TTC28: variants seen among roughly 807,000 people sequenced by gnomAD.
The protein encoded by TTC28 is tetratricopeptide repeat domain 28.
TTC28 carries 61 observed loss-of-function variants against 198.0 expected under a neutral mutation model. The ratio of observed to expected loss-of-function variants is 0.31; its 90% CI spans 0.25 to 0.38. TTC28 has a LOEUF of 0.38. TTC28 is among the 10% of genes least tolerant of loss of function. The pLI, the probability that TTC28 is intolerant of heterozygous loss-of-function variation, is 1.00. For synonymous variants in TTC28, 1,171 were observed against 1,297.8 expected, an observed-to-expected ratio of 0.90 and a Z score of 2.10; for missense variants, 2,678 against 3,164.0, an observed-to-expected ratio of 0.85 and a Z score of 3.69.
intron 2 of TTC28, among the ~76,000 whole-genome samples, chr22:28,498,128 G>A (rs2048481534): frequency 1.3e-5 from 2 of 150,768 alleles, no homozygotes; most frequent in Non-Finnish European, 3.0e-5. Context: ...ACATTGACCT[G>A]AGCCTTCCGT....
chr22:28,563,593 C>T lies in TTC28; in HGVS notation c.381+65959G>A, dbSNP rs567387753. 9.2e-5 allele frequency among the ~76,000 whole-genome samples: 14 copies of T among 152,088 alleles called. No individual in the cohort carries two copies. The South Asian group carries it at 2.9e-3, about 32-fold the overall frequency. ...TGCATCAATCAATGCAAATCAAAAC[C>T]ACAATAAGGTACCACCTTACACCTA... On this transcript the variant is annotated intron_variant, in intron 2 of 22. Coordinates refer to ENST00000397906, the MANE Select transcript of TTC28 (RefSeq NM_001145418.2).
At chr22:28,050,066 A>G (rs9613564) in intron 12 of TTC28, among the ~76,000 whole-genome samples, 7,780 of 152,198 alleles carry the variant, frequency 0.051, 307 homozygotes, top group Admixed American at 0.12. Context: ...TGGGACAGCT[A>G]TAAGGGTACA....
intron 5 of TTC28, among the ~76,000 whole-genome samples, chr22:28,197,843 T>C (rs562159833): frequency 2.0e-5 from 3 of 152,050 alleles, no homozygotes; most frequent in Non-Finnish European, 4.4e-5. Context: ...AGCAAGACCC[T>C]GTCTTTATTT....
rs551041561 is a variant in TTC28 at position 28,001,674 on chromosome 22, G to T, written c.4219-121C>A. ...GCACGAGCAGGTGAGGCCTGTGGGG[G>T]TGTGGGGCGCCATGGGGCATGGGCC... On this transcript the variant is annotated intron_variant, in intron 14 of 22. Transcript: ENST00000397906. The T allele has an allele frequency of 5.8e-6, 7 of 1,212,176 alleles. No homozygotes were observed. In the South Asian group the frequency reaches 9.1e-5, roughly 16 times the overall value. The allele number at this position is 1,212,176 out of a possible 1,614,324, so 75.1% of individuals were successfully genotyped here. A position where few individuals can be genotyped will look rare whatever the true frequency, so the allele number is the denominator to read the frequency against.
intron 2 of TTC28, among the ~76,000 whole-genome samples, chr22:28,410,353 A>G (rs1224055640): frequency 1.3e-5 from 2 of 152,210 alleles, no homozygotes; most frequent in Non-Finnish European, 2.9e-5. Flanking sequence ...GTCATTCCTC[A>G]TTTTAAATAA....
intron 2 of TTC28, among the ~76,000 whole-genome samples, chr22:28,324,363 G>T (rs1438773957): frequency 6.6e-6 from 1 of 151,870 alleles, no homozygotes; most frequent in Non-Finnish European, 1.5e-5. Flanking sequence ...CAGAAAAAGA[G>T]GGACTCCTCC....
intron 2 of TTC28, among the ~76,000 whole-genome samples, chr22:28,328,888 G>A (rs1462893969): frequency 6.6e-6 from 1 of 151,750 alleles, no homozygotes; most frequent in Non-Finnish European, 1.5e-5. Context: ...ACAAAGGCCT[G>A]AGACTGGGAA....
intron 1 of TTC28, among the ~76,000 whole-genome samples, chr22:28,674,184 T>G (rs1434829217): frequency 6.6e-6 from 1 of 151,838 alleles, no homozygotes; most frequent in East Asian, 1.9e-4. Context: ...CCTCAAGCGC[T>G]CACAGGGATT....
intron 2 of TTC28, among the ~76,000 whole-genome samples, chr22:28,525,358 C>A (rs755516738): frequency 6.6e-6 from 1 of 152,100 alleles, no homozygotes; most frequent in Non-Finnish European, 1.5e-5. Flanking sequence ...TTCACCATGT[C>A]GCCCAGGCTA....
chr22:28,525,698 C>A (rs898780956), intron 2 of TTC28, among the ~76,000 whole-genome samples: 1 of 152,002 alleles, frequency 6.6e-6, no homozygotes, highest in African/African-American at 2.4e-5. Context: ...TGTGCAGGTG[C>A]CACAAATATA....
intron 5 of TTC28, among the ~76,000 whole-genome samples, chr22:28,262,318 C>A (rs983989008): frequency 6.6e-6 from 1 of 152,190 alleles, no homozygotes; most frequent in Non-Finnish European, 1.5e-5. Context: ...TTATAACCGA[C>A]ACAATGTTTA....
chr22:28,472,401 G>A (rs546804648), intron 2 of TTC28, among the ~76,000 whole-genome samples: 105 of 152,112 alleles, frequency 6.9e-4, no homozygotes, highest in Non-Finnish European at 1.2e-3. Flanking sequence ...GAGGCAAAAC[G>A]GACAGGATAG....
intron 12 of TTC28, among the ~76,000 whole-genome samples, chr22:28,086,763 C>G (rs1017529325): frequency 6.6e-6 from 1 of 152,048 alleles, no homozygotes; most frequent in African/African-American, 2.4e-5. Flanking sequence ...TGATAGACCA[C>G]TAGCAAGACT....
chr22:28,430,166 C>T (rs1406516566), intron 2 of TTC28, among the ~76,000 whole-genome samples: 2 of 150,944 alleles, frequency 1.3e-5, no homozygotes, highest in East Asian at 1.9e-4. Context: ...GAAGGCACAC[C>T]GCATTAATCT....
At chr22:28,105,865 C>A (rs914660452) in intron 7 of TTC28, 63 bp from the exon 8 acceptor site, 20 of 1,461,884 alleles carry the variant, frequency 1.4e-5, no homozygotes, top group Non-Finnish European at 1.7e-5. Flanking sequence ...ATGCTAAAGC[C>A]CCTGAGAAAA....
intron 2 of TTC28, among the ~76,000 whole-genome samples, chr22:28,414,532 C>A (rs1421410373): frequency 6.8e-6 from 1 of 148,040 alleles, no homozygotes; most frequent in Non-Finnish European, 1.5e-5. Flanking sequence ...TGGAGACAAG[C>A]AACCCAGAGA....
chr22:27,992,968 C>A (rs1422829129), intron 18 of TTC28: 2 of 558,414 alleles, frequency 3.6e-6, no homozygotes, highest in South Asian at 4.7e-5. Context: ...GGCCGCACAG[C>A]TTCATCGGGG....
chr22:28,025,413 TG>T (rs1035990574), intron 13 of TTC28, among the ~76,000 whole-genome samples: 7 of 152,212 alleles, frequency 4.6e-5, no homozygotes, highest in African/African-American at 1.7e-4. Context: ...AAGGTCTGGC[TG>T]GCCCCAGAGC....
chr22:28,101,402 G>C, intron 8 of TTC28, 122 bp from the exon 9 acceptor site: 1 of 820,020 alleles, frequency 1.2e-6, no homozygotes. Flanking sequence ...GTCTCACTCT[G>C]TTCCCCAGAC....
Sources: gnomAD v4.1 joint callset for allele counts (sites outside exome capture counted in the v4.1 genomes callset) on GRCh38, gnomAD v4.1.1 for gene constraint, MANE v1.5 for transcripts, NCBI Gene and HGNC (gene_info 2026-07-23, HGNC 2026-07-21) for gene names.